The following ZNF540 variants were observed in gnomAD, a reference collection of about 807,000 sequenced individuals.
ZNF540 encodes zinc finger protein 540.
ZNF540 carries 3 observed loss-of-function variants against 11.8 expected under a neutral mutation model. The ratio of observed to expected loss-of-function variants is 0.25; its 90% CI spans 0.12 to 0.65. The LOEUF (loss-of-function observed/expected upper bound fraction) is 0.65, where lower values mean the gene tolerates loss of function less well. Among genes scored for constraint, ZNF540 ranks in the 30% least tolerant of loss-of-function variants. ZNF540 has a pLI of 0.83. For synonymous variants in ZNF540, 247 were observed against 259.0 expected (o/e 0.95, Z 0.45); for missense variants, 709 against 793.1 (o/e 0.89, Z 1.27).
rs1052759434 is a variant in ZNF540 at position 37,584,223 on chromosome 19, C to T, written c.-72-14153C>T. ...AACAACAGGAAATTGGTTGCCTAAA[C>T]AGTAGTATTAACCTGATTCTCTATC... On this transcript the variant is annotated intron_variant, in intron 1 of 4. Transcript: ENST00000592533. 4.5e-6 allele frequency: 6 copies of T among 1,342,404 alleles called. No individual in the cohort carries two copies. In the African/African-American group the frequency reaches 8.7e-5, roughly 19 times the overall value. 83.2% of individuals were successfully genotyped at this position (1,342,404 alleles called of 1,614,324 possible).
At chr19:37,566,526 G>A in intron 1 of ZNF540, 1 of 448,346 alleles carries the variant, frequency 2.2e-6, no homozygotes, top group Non-Finnish European at 3.9e-6. Context: ...CTCAAACTTT[G>A]GAATGGCTTA....
intron 4 of ZNF540, among the ~76,000 whole-genome samples, chr19:37,601,480 C>T (rs1600558220): frequency 6.6e-6 from 1 of 152,046 alleles, no homozygotes; most frequent in East Asian, 1.9e-4. Flanking sequence ...ACCGAGTGCT[C>T]ACTCTGTGCC....
intron 1 of ZNF540, chr19:37,566,381 CATT>C: frequency 1.4e-6 from 2 of 1,416,904 alleles, no homozygotes; most frequent in Non-Finnish European, 9.5e-7. Flanking sequence ...AAATAATTCT[CATT>C]AAGAATAGAA....
chr19:37,566,121 G>T (rs750442595), intron 1 of ZNF540: 1 of 1,614,006 alleles, frequency 6.2e-7, no homozygotes, highest in East Asian at 2.2e-5. Context: ...AGCCCTTCCT[G>T]ACTTGCTTCT....
chr19:37,558,802 T>C (rs1600442588), intron 1 of ZNF540, among the ~76,000 whole-genome samples: 2 of 151,762 alleles, frequency 1.3e-5, no homozygotes, highest in South Asian at 2.1e-4. Flanking sequence ...GTGTGACTAT[T>C]GCACAACTTC....
rs1233565513 is a variant in ZNF540 at position 37,565,316 on chromosome 19, G to A, written c.-73+13651G>A. 1.5e-5 allele frequency: 24 copies of A among 1,611,796 alleles called. No individual in the cohort carries two copies. The highest frequency in any genetic ancestry group is 1.8e-5 in the Non-Finnish European group (21 of 1,179,022). On this transcript the variant is annotated intron_variant, in intron 1 of 4. Transcript: ENST00000592533. ...AGTAAGTTGTGAGCCACGAAAAAAGGTCTTCCCGCATTCTTTACATTCATA... is the reference window on the plus strand; with the variant it reads ...AGTAAGTTGTGAGCCACGAAAAAAGATCTTCCCGCATTCTTTACATTCATA...
intron 4 of ZNF540, among the ~76,000 whole-genome samples, chr19:37,604,587 A>G (rs776197460): frequency 2.3e-4 from 35 of 151,942 alleles, no homozygotes; most frequent in Admixed American, 5.9e-4. Flanking sequence ...GATTACAGGC[A>G]TGAGCCACCG....
Position 37,605,741 on chromosome 19 carries a change from T to C in ZNF540, c.232+4636T>C, listed in dbSNP as rs992198413. Reference sequence around the variant, plus strand: ...TCCACATTGTTGCCAACCTGTTGTATTGTCAGTCATTTTAATCTTAGTCAT... The same window carrying C: ...TCCACATTGTTGCCAACCTGTTGTACTGTCAGTCATTTTAATCTTAGTCAT... On this transcript the variant is annotated intron_variant, in intron 4 of 4. Transcript: ENST00000316433. 5.4e-4 allele frequency among the ~76,000 whole-genome samples: 83 copies of C among 152,318 alleles called. 2 individuals carry two copies. Among genetic ancestry groups the C allele is most frequent in the African/African-American group, 1.5e-3 (61 of 41,560 alleles).
intron 1 of ZNF540, chr19:37,564,629 T>G: frequency 6.4e-7 from 1 of 1,561,822 alleles, no homozygotes; most frequent in Non-Finnish European, 8.7e-7. Context: ...TTGAGTAAGT[T>G]GTGAAGGACA....
upstream of ZNF540, chr19:37,594,636 G>C (rs866425706): frequency 6.6e-6 from 1 of 152,210 alleles, no homozygotes; most frequent in Non-Finnish European, 1.5e-5. Context: ...TGTCAGCACC[G>C]AGCCCCAGCC....
chr19:37,573,281 C>T (rs117637881), intron 1 of ZNF540, among the ~76,000 whole-genome samples: 1,563 of 152,214 alleles, frequency 0.01, 25 homozygotes, highest in Admixed American at 0.04. Flanking sequence ...TACTGGATTC[C>T]TATTATTAAC....
At chr19:37,596,669 AG>A (rs546063660) in intron 1 of ZNF540, among the ~76,000 whole-genome samples, 10 of 152,202 alleles carry the variant, frequency 6.6e-5, no homozygotes, top group Non-Finnish European at 1.5e-4. Context: ...ACAGGGTCAT[AG>A]GAGTGGGATT....
chr19:37,561,703 C>G (rs2042719541), intron 1 of ZNF540, among the ~76,000 whole-genome samples: 1 of 152,200 alleles, frequency 6.6e-6, no homozygotes, highest in South Asian at 2.1e-4. Context: ...TTTGAAAAGT[C>G]TGGCTCAAGA....
Position 37,569,232 on chromosome 19 carries a change from C to T in ZNF540, c.-73+17567C>T, listed in dbSNP as rs1178507007. Among the ~76,000 whole-genome samples, 2 of 152,130 alleles carry T rather than the reference C, an allele frequency of 1.3e-5. No individual in the cohort carries two copies. The highest frequency in any genetic ancestry group is 2.9e-5 in the Non-Finnish European group (2 of 68,024). On this transcript the variant is annotated intron_variant, in intron 1 of 4. Coordinates refer to the ZNF540 transcript ENST00000592533. The surrounding 1 kb of genome is among the most constrained non-coding windows in gnomAD (Gnocchi z 4.4). ...ACTCCCACAGCACTAGGATTACAGG[C>T]ATGAGTCACTGCGCCTGGCCCCAAA...
At chr19:37,576,271 C>T (rs1415632679) in intron 1 of ZNF540, among the ~76,000 whole-genome samples, 1 of 152,162 alleles carries the variant, frequency 6.6e-6, no homozygotes, top group African/African-American at 2.4e-5. Context: ...GCTTAATTCA[C>T]AAAGCAAGGC....
chr19:37,599,638 T>A lies in ZNF540; in HGVS notation c.22T>A (p.Phe8Ile), dbSNP rs1470608786. 2 of 1,614,096 alleles carry A rather than the reference T, an allele frequency of 1.2e-6. No individual in the cohort carries two copies. The highest frequency in any genetic ancestry group is 3.3e-5 in the Admixed American group (2 of 60,018). MAHALVTFRDVAIDFSQK... is the reference protein window; with the variant it reads MAHALVTIRDVAIDFSQK... ...TTTATGGTTTCAGGCATTGGTGACG[T>A]TCAGGGATGTGGCTATAGACTTCTC... is the stretch of plus-strand genomic sequence containing the variant. The change falls in exon 3 of 5, where the codon TTC becomes ATC. Residue 8 changes from phenylalanine to isoleucine, a missense_variant. Transcript: ENST00000316433.
At chr19:37,560,752 A>C (rs141319998) in intron 1 of ZNF540, 110 of 152,342 alleles carry the variant, frequency 7.2e-4, no homozygotes, top group African/African-American at 2.6e-3. Flanking sequence ...CAACTAAAGC[A>C]GTGCTGCAAC....
At position 37,612,371 on chromosome 19, in the gene ZNF540, TTAGAC is replaced by T. The variant is rs2044138345; in HGVS notation, c.1093_1097del (p.Arg365Ter). Reference sequence around the variant, plus strand: ...GAATGTAAGGAATGTGGAAAGACCTTTAGACTTAGTTTTTACCTTACTGAACACAG... The same window carrying T: ...GAATGTAAGGAATGTGGAAAGACCTTTTAGTTTTTACCTTACTGAACACAG... On this transcript the variant is annotated frameshift_variant, in exon 5 of 5. Transcript: ENST00000316433. LOFTEE classifies it low-confidence loss of function (END_TRUNC). 1.2e-6 allele frequency: 2 copies of T among 1,613,862 alleles called. No homozygotes were observed. Among genetic ancestry groups the T allele is most frequent in the Admixed American group, 3.3e-5 (2 of 59,976 alleles).
upstream of ZNF540, among the ~76,000 whole-genome samples, chr19:37,591,189 C>T (rs1219553052): frequency 6.6e-6 from 1 of 152,212 alleles, no homozygotes; most frequent in Non-Finnish European, 1.5e-5. Context: ...TCACTGTACA[C>T]TGTATACCAC....
Sources: allele counts gnomAD v4.1 joint callset (sites outside exome capture counted in the v4.1 genomes callset), GRCh38; gene constraint gnomAD v4.1.1; non-coding constraint Gnocchi (gnomAD v3.1); transcripts MANE v1.5; gene names NCBI Gene and HGNC (gene_info 2026-07-23, HGNC 2026-07-21).